FLACC1: variants seen among roughly 807,000 people sequenced by gnomAD.
FLACC1 encodes the protein flagellum-associated coiled-coil domain-containing protein 1.
A neutral mutation model predicts 62.8 loss-of-function variants in FLACC1; 66 were observed. The observed-to-expected ratio is 1.05, with a 90% CI of 0.86 to 1.29. The LOEUF is 1.29. FLACC1 is among the 50% of genes most tolerant of loss of function. FLACC1 has a pLI of 0.00. For missense variants in FLACC1, 452 were observed against 489.1 expected (o/e 0.92, Z 0.71); for synonymous variants, 156 against 161.0 (o/e 0.97, Z 0.24).
intron 4 of FLACC1, among the ~76,000 whole-genome samples, chr2:201,347,699 T>G (rs191245506): frequency 3.7e-4 from 57 of 152,048 alleles, no homozygotes; most frequent in African/African-American, 1.3e-3. Context: ...ATGTACCGAT[T>G]ACATCCCACC....
At chr2:201,332,395 C>T (rs1950612394) in intron 7 of FLACC1, among the ~76,000 whole-genome samples, 1 of 151,982 alleles carries the variant, frequency 6.6e-6, no homozygotes, top group Non-Finnish European at 1.5e-5. Context: ...ATTACAAGCA[C>T]CTGCCATTAT....
In FLACC1 at chr2:201,289,762, T is replaced by C. The variant is rs1459729862; in HGVS notation, c.966A>G (p.Ala322=). Reference sequence around the variant, plus strand: ...TCAGTGACTCTAGGATAAGGGCTTGTGCATGCAATTCTTCCTGCATGACCT... The same window carrying C: ...TCAGTGACTCTAGGATAAGGGCTTGCGCATGCAATTCTTCCTGCATGACCT... ...TKEVMQEELH[A]QALILESLNT... The change falls in exon 13 of 15, where the codon GCA becomes GCG. Residue 322 remains alanine, a synonymous_variant. Coordinates refer to ENST00000392257, the MANE Select transcript of FLACC1 (RefSeq NM_001127391.3). 7.4e-6 allele frequency: 12 copies of C among 1,614,094 alleles called. No individual in the cohort carries two copies. The South Asian group carries it at 1.2e-4, about 16-fold the overall frequency.
rs145590417 is a variant in FLACC1 at position 201,346,091 on chromosome 2, G to A, written c.368+451C>T. ...GAGGCGTGAGAATAGCTTAAACCTGGGAGGCAGAAGTTGCAGTGAGCTGAG... is the reference window on the plus strand; with the variant it reads ...GAGGCGTGAGAATAGCTTAAACCTGAGAGGCAGAAGTTGCAGTGAGCTGAG... On this transcript the variant is annotated intron_variant, in intron 5 of 14. Transcript: ENST00000392257. This position sits in a 1 kb window ranked among gnomAD's most constrained non-coding sequence, Gnocchi z 4.0. Among the ~76,000 whole-genome samples, 45 of 152,178 alleles carry A rather than the reference G, an allele frequency of 3.0e-4. No homozygotes were observed. The highest frequency in any genetic ancestry group is 1.0e-3 in the African/African-American group (42 of 41,532).
rs72934918 is a variant in FLACC1, at chr2:201,311,315, T to C, written c.676-2065A>G. Among the ~76,000 whole-genome samples the C allele has an allele frequency of 3.7e-3, 559 of 152,228 alleles. 3 individuals carry two copies. The highest frequency in any genetic ancestry group is 6.8e-3 in the Middle Eastern group (2 of 294). On this transcript the variant is annotated intron_variant, in intron 9 of 14. Transcript: ENST00000392257. Reference sequence around the variant, plus strand: ...TTCTATGAAGCTGGCATTATCCTTATACCAAAACCTGGCAAAGACAAAAAA... The same window carrying C: ...TTCTATGAAGCTGGCATTATCCTTACACCAAAACCTGGCAAAGACAAAAAA...
chr2:201,355,896 C>T (rs1225802086), intron 1 of FLACC1, among the ~76,000 whole-genome samples: 2 of 151,960 alleles, frequency 1.3e-5, no homozygotes, highest in Non-Finnish European at 2.9e-5. Context: ...AAATAAAGGC[C>T]TTTTTCTTTG....
chr2:201,310,464 T>G (rs758878640), intron 9 of FLACC1, among the ~76,000 whole-genome samples: 21 of 152,144 alleles, frequency 1.4e-4, no homozygotes, highest in Non-Finnish European at 2.4e-4. Context: ...CTAGAACTAG[T>G]TGGTCACTAT....
chr2:201,320,794 A>G (rs1307013189), intron 9 of FLACC1, among the ~76,000 whole-genome samples: 3 of 152,164 alleles, frequency 2.0e-5, no homozygotes, highest in Non-Finnish European at 4.4e-5. Context: ...TGGGGGCTAT[A>G]TAGCCCCACT....
Position 201,342,336 on chromosome 2 carries a change from C to T in FLACC1, c.524+34G>A, listed in dbSNP as rs372584667. 7.2e-4 allele frequency: 1,157 copies of T among 1,610,974 alleles called. 36 individuals carry two copies. The South Asian group carries it at 0.012, about 17-fold the overall frequency. Reference sequence around the variant, plus strand: ...AAGGATGCGGGACCCTTAGAGCCATCAACACACACAAGGGTCCATGCCAGA... The same window carrying T: ...AAGGATGCGGGACCCTTAGAGCCATTAACACACACAAGGGTCCATGCCAGA... On this transcript the variant is annotated intron_variant, in intron 7 of 14. Coordinates refer to ENST00000392257, the MANE Select transcript of FLACC1 (RefSeq NM_001127391.3).
At chr2:201,362,647 G>C in the FLACC1 span, among the ~76,000 whole-genome samples, 1 of 152,182 alleles carries the variant, frequency 6.6e-6, no homozygotes, top group African/African-American at 2.4e-5. Context: ...TTTGTTTCTC[G>C]CAAGCTCTGG....
At position 201,350,321 on chromosome 2, in the gene FLACC1, G is replaced by A. The variant is rs116968373; in HGVS notation, c.185+390C>T. Among the ~76,000 whole-genome samples the A allele has an allele frequency of 9.8e-5, 15 of 152,314 alleles. No homozygotes were observed. The East Asian group carries it at 2.9e-3, about 29-fold the overall frequency. On this transcript the variant is annotated intron_variant, in intron 3 of 14. Transcript: ENST00000392257. Reference sequence around the variant, plus strand: ...AATCGTTTGAACCAGGGAGGTGGAGGTTGGAATGAGCCAAGATGGCACCAC... The same window carrying A: ...AATCGTTTGAACCAGGGAGGTGGAGATTGGAATGAGCCAAGATGGCACCAC...
intron 9 of FLACC1, among the ~76,000 whole-genome samples, chr2:201,309,453 C>T (rs1950171467): frequency 6.6e-6 from 1 of 152,092 alleles, no homozygotes. Flanking sequence ...TAAATTCCAG[C>T]CCAGCCCAAC....
chr2:201,360,787 G>A (rs553701200), upstream of FLACC1, among the ~76,000 whole-genome samples: 2 of 152,250 alleles, frequency 1.3e-5, no homozygotes, highest in South Asian at 2.1e-4. Context: ...TCAAGAATAC[G>A]TGGGCCCGGG....
chr2:201,321,929 C>G (rs1950410942), intron 9 of FLACC1, among the ~76,000 whole-genome samples: 1 of 152,122 alleles, frequency 6.6e-6, no homozygotes, highest in Non-Finnish European at 1.5e-5. Context: ...CCAGGGACAC[C>G]TCCCCTACTG....
upstream of FLACC1, among the ~76,000 whole-genome samples, chr2:201,361,330 A>G (rs961456422): frequency 1.3e-5 from 2 of 152,250 alleles, no homozygotes; most frequent in Non-Finnish European, 2.9e-5. Context: ...GGAGTGCAGG[A>G]AAGACTGGGG....
intron 12 of FLACC1, among the ~76,000 whole-genome samples, chr2:201,297,032 G>T (rs1379007935): frequency 6.6e-6 from 1 of 152,154 alleles, no homozygotes; most frequent in Non-Finnish European, 1.5e-5. Context: ...ATTGGCTGAG[G>T]CTGCTGGGTT....
At chr2:201,340,632 T>C (rs113968264) in intron 7 of FLACC1, among the ~76,000 whole-genome samples, 9 of 152,252 alleles carry the variant, frequency 5.9e-5, no homozygotes, top group African/African-American at 2.2e-4. Context: ...TACTCTCATA[T>C]TGGGATAAAA....
chr2:201,339,776 G>T (rs1417631752), intron 7 of FLACC1, among the ~76,000 whole-genome samples: 2 of 152,016 alleles, frequency 1.3e-5, no homozygotes, highest in African/African-American at 4.8e-5. Flanking sequence ...CTATCTTTGG[G>T]CCCCAGGGTG....
At chr2:201,314,303 C>T (rs1255828826) in intron 9 of FLACC1, among the ~76,000 whole-genome samples, 1 of 151,330 alleles carries the variant, frequency 6.6e-6, no homozygotes, top group African/African-American at 2.4e-5. Context: ...AAAAATGATA[C>T]AAGAAATGAG....
rs1439203588 is a variant in FLACC1, at chr2:201,346,576, C to T, written c.334G>A (p.Glu112Lys). The T allele has an allele frequency of 1.9e-6, 3 of 1,614,134 alleles. No individual in the cohort carries two copies. Among genetic ancestry groups the T allele is most frequent in the Admixed American group, 1.7e-5 (1 of 60,028 alleles). ...DEMFDRKKRWESEIPDKGRFS... is the reference protein window; with the variant it reads ...DEMFDRKKRWKSEIPDKGRFS... ...CTGCCTTTGTCCGGGATCTCCGATT[C>T]CCACCGCTTTTTCCTATCAAACATC... is the stretch of plus-strand genomic sequence containing the variant. Residue 112 changes from glutamate to lysine, a missense_variant, in exon 5 of 15, where the codon GAA (glutamate) becomes AAA (lysine). Glu to Lys is a moderately conservative substitution (Grantham distance 56). Transcript: ENST00000392257. This position sits in a 1 kb window ranked among gnomAD's most constrained non-coding sequence, Gnocchi z 4.0.
Sources: allele counts gnomAD v4.1 joint callset (sites outside exome capture counted in the v4.1 genomes callset), GRCh38; gene constraint gnomAD v4.1.1; non-coding constraint Gnocchi (gnomAD v3.1); transcripts MANE v1.5; gene names NCBI Gene and HGNC (gene_info 2026-07-23, HGNC 2026-07-21).